RNF217: variants seen among roughly 807,000 people sequenced by gnomAD.
RNF217 encodes the protein ring finger protein 217.
A neutral mutation model predicts 57.8 loss-of-function variants in RNF217; 31 were observed. The ratio of observed to expected loss-of-function variants is 0.54; its 90% CI spans 0.40 to 0.72. The LOEUF is 0.72. RNF217 is among the 30% of genes least tolerant of loss of function. RNF217 has a pLI of 0.00. For synonymous variants in RNF217, 313 were observed against 294.0 expected (o/e 1.06, Z -0.66); for missense variants, 696 against 708.3 (o/e 0.98, Z 0.20).
At chr6:125,066,194 C>T (rs907345906) in intron 3 of RNF217, among the ~76,000 whole-genome samples, 4 of 152,122 alleles carry the variant, frequency 2.6e-5, no homozygotes, top group Admixed American at 6.6e-5. Flanking sequence ...TTTTCATGTA[C>T]CTCCTAACTG....
chr6:125,001,547 C>G (rs867958131), intron 1 of RNF217, among the ~76,000 whole-genome samples: 8 of 152,072 alleles, frequency 5.3e-5, no homozygotes, highest in African/African-American at 1.9e-4. Context: ...TAAACTTATT[C>G]CTGATAATTC....
intron 1 of RNF217, among the ~76,000 whole-genome samples, chr6:124,965,550 G>C (rs1783506701): frequency 6.6e-6 from 1 of 152,052 alleles, no homozygotes; most frequent in Admixed American, 6.5e-5. Context: ...TCCAGCCTGG[G>C]CAACAGAGTG....
At chr6:125,063,347 A>G (rs1787812751) in intron 3 of RNF217, among the ~76,000 whole-genome samples, 1 of 152,218 alleles carries the variant, frequency 6.6e-6, no homozygotes, top group African/African-American at 2.4e-5. Context: ...TTTTATTCTA[A>G]GGTCAACATA....
At chr6:124,963,468 C>CA (rs1254783588) in intron 1 of RNF217, 42 bp downstream of exon 1, 12 of 1,434,538 alleles carry the variant, frequency 8.4e-6, no homozygotes, top group Non-Finnish European at 1.1e-5. Flanking sequence ...CATTCCAAAT[C>CA]ACTGGCGAGG....
At chr6:125,076,583 C>T in intron 3 of RNF217, 74 bp from the exon 4 acceptor site, 1 of 934,038 alleles carries the variant, frequency 1.1e-6, no homozygotes, top group Non-Finnish European at 1.7e-6. Flanking sequence ...AGTGTTGTTT[C>T]ATAAAATTTG....
rs745544408 is a variant in RNF217, at chr6:125,076,737, G to A, written c.1362G>A (p.Glu454=). 1.9e-6 allele frequency: 3 copies of A among 1,613,584 alleles called. No homozygotes were observed. Among genetic ancestry groups the A allele is most frequent in the Non-Finnish European group, 8.5e-7 (1 of 1,179,698 alleles). ...CTAATTTTTGTTACCGATGTGGTGAGAGATACCGCCAGCTCCGATTTTTTG... is the reference window on the plus strand; with the variant it reads ...CTAATTTTTGTTACCGATGTGGTGAAAGATACCGCCAGCTCCGATTTTTTG... The part of the protein sequence containing the change: ...CNTNFCYRCG[E]RYRQLRFFGD... Residue 454 remains glutamate, a synonymous_variant, in exon 4 of 6, where the codon GAG becomes GAA. Coordinates refer to ENST00000521654, the MANE Select transcript of RNF217 (RefSeq NM_001286398.3).
intron 1 of RNF217, among the ~76,000 whole-genome samples, chr6:124,990,476 C>T (rs1465868965): frequency 6.6e-6 from 1 of 152,088 alleles, no homozygotes; most frequent in Non-Finnish European, 1.5e-5. Flanking sequence ...TTTATATTTC[C>T]CTGTAAACCT....
Position 125,043,412 on chromosome 6 carries a change from A to G in RNF217, c.883-1799A>G, listed in dbSNP as rs114889897. ...TGATCCCCCCAGGTCTGAGATTACT[A>G]TACTTCTCCTGAAAACCTGTACTCA... On this transcript the variant is annotated intron_variant, in intron 1 of 5. Transcript: ENST00000521654. Among the ~76,000 whole-genome samples the G allele has an allele frequency of 5.8e-3, 882 of 151,980 alleles. 12 individuals are homozygous for G. Among genetic ancestry groups the G allele is most frequent in the African/African-American group, 0.02 (831 of 41,466 alleles).
At chr6:124,986,246 A>G (rs1304614091) in intron 1 of RNF217, among the ~76,000 whole-genome samples, 2 of 152,110 alleles carry the variant, frequency 1.3e-5, no homozygotes, top group Non-Finnish European at 1.5e-5. Flanking sequence ...AAAGATTGCT[A>G]TTTCTATAAA....
intron 3 of RNF217, among the ~76,000 whole-genome samples, chr6:125,075,390 A>G (rs936168124): frequency 7.2e-5 from 11 of 152,174 alleles, no homozygotes; most frequent in African/African-American, 2.4e-4. Flanking sequence ...AAAGAGGTTT[A>G]ATTGACTCAT....
At chr6:125,051,997 C>G (rs531396778) in intron 2 of RNF217, among the ~76,000 whole-genome samples, 2 of 152,062 alleles carry the variant, frequency 1.3e-5, no homozygotes, top group East Asian at 3.9e-4. Flanking sequence ...TCTGTAAATG[C>G]TGAAGGTGTT....
chr6:124,975,141 T>A (rs1413349366), intron 1 of RNF217, among the ~76,000 whole-genome samples: 1 of 151,560 alleles, frequency 6.6e-6, no homozygotes, highest in Non-Finnish European at 1.5e-5. Context: ...GTGGTATTGA[T>A]TCTTGCTTTA....
chr6:124,995,816 G>A (rs894976851), intron 1 of RNF217, among the ~76,000 whole-genome samples: 7 of 152,094 alleles, frequency 4.6e-5, no homozygotes, highest in Non-Finnish European at 1.0e-4. Flanking sequence ...CAGCTACTCG[G>A]GAAGCTGAGC....
chr6:125,074,273 G>C (rs553815799), intron 3 of RNF217, among the ~76,000 whole-genome samples: 1 of 151,314 alleles, frequency 6.6e-6, no homozygotes, highest in Non-Finnish European at 1.5e-5. Flanking sequence ...TCTCCAGTTA[G>C]GTAGGTCGGT....
At chr6:124,982,059 C>T (rs1295096611) in intron 1 of RNF217, among the ~76,000 whole-genome samples, 1 of 150,194 alleles carries the variant, frequency 6.7e-6, no homozygotes, top group African/African-American at 2.4e-5. Context: ...ATCTTGAGGC[C>T]CACAAGGAAT....
At chr6:124,992,912 A>G (rs1046984348) in intron 1 of RNF217, among the ~76,000 whole-genome samples, 1 of 152,116 alleles carries the variant, frequency 6.6e-6, no homozygotes, top group African/African-American at 2.4e-5. Flanking sequence ...GTCTTTGATG[A>G]TGTTACATTT....
intron 1 of RNF217, among the ~76,000 whole-genome samples, chr6:125,001,561 G>T (rs1784985288): frequency 6.6e-6 from 1 of 152,174 alleles, no homozygotes; most frequent in Non-Finnish European, 1.5e-5. Flanking sequence ...ATAATTCCTA[G>T]CAGTATGGCG....
chr6:125,025,732 T>G (rs1582723167), intron 1 of RNF217, among the ~76,000 whole-genome samples: 1 of 112,150 alleles, frequency 8.9e-6, no homozygotes, highest in African/African-American at 3.7e-5. Context: ...AAGTTGAAGG[T>G]GTTCTAGGGA....
At chr6:125,075,965 A>G (rs1788351165) in intron 3 of RNF217, among the ~76,000 whole-genome samples, 1 of 152,056 alleles carries the variant, frequency 6.6e-6, no homozygotes, top group South Asian at 2.1e-4. Context: ...TGGTATACAT[A>G]TATATGTATA....
Sources: allele counts gnomAD v4.1 joint callset (sites outside exome capture counted in the v4.1 genomes callset), GRCh38; gene constraint gnomAD v4.1.1; transcripts MANE v1.5; gene names NCBI Gene and HGNC (gene_info 2026-07-23, HGNC 2026-07-21).